Variants in FKBP2 observed in about 807,000 individuals in gnomAD.
The protein encoded by FKBP2 is FKBP prolyl isomerase 2.
A neutral mutation model predicts 19.4 loss-of-function variants in FKBP2; 15 were observed. That is an observed-to-expected ratio of 0.77 (90% CI 0.52 to 1.19). The LOEUF is 1.19. Among genes scored for constraint, FKBP2 ranks in the 50% most tolerant of loss-of-function variants. The pLI is 0.00. For missense variants in FKBP2, 170 were observed against 179.0 expected, an observed-to-expected ratio of 0.95 and a Z score of 0.29; for synonymous variants, 76 against 74.8, an observed-to-expected ratio of 1.02 and a Z score of -0.08.
chr11:64,243,629 G>A (rs1285044690), intron 4 of FKBP2, 132 bp downstream of exon 4: 7 of 1,254,706 alleles, frequency 5.6e-6, no homozygotes, highest in African/African-American at 1.5e-5. Context: ...AAGTTTGGCT[G>A]TGTCTAGCAG....
At chr11:64,242,955 C>A (rs545235474) in intron 2 of FKBP2, among the ~76,000 whole-genome samples, 1 of 152,290 alleles carries the variant, frequency 6.6e-6, no homozygotes, top group East Asian at 1.9e-4. Context: ...GCCTATAATC[C>A]CAGCTACTTG....
Position 64,242,408 on chromosome 11 carries a change from G to C in FKBP2, c.21G>C (p.Arg7=), listed in dbSNP as rs776659898. Residue 7 remains arginine, a synonymous_variant, in exon 2 of 6, where the codon CGG becomes CGC. Transcript: ENST00000309366. MRLSWF[R]VLTVLSICLS... ...GAGACATGAGGCTGAGCTGGTTCCG[G>C]GTCCTGACAGTACTGTCCATCTGCC... 1 of 1,548,180 alleles carries C rather than the reference G, an allele frequency of 6.5e-7. No individual in the cohort carries two copies. The highest frequency in any genetic ancestry group is 1.2e-5 in the South Asian group (1 of 83,748).
At chr11:64,242,712 C>CAGTA (rs1487347983) in intron 2 of FKBP2, among the ~76,000 whole-genome samples, 154 bp downstream of exon 2, 2 of 152,204 alleles carry the variant, frequency 1.3e-5, no homozygotes, top group African/African-American at 4.8e-5. Context: ...TTGCCCTTGC[C>CAGTA]TACTGCCCAG....
rs1354067859 is a variant in FKBP2 at position 64,241,120 on chromosome 11, G to C, written c.-17G>C. The C allele has an allele frequency of 6.6e-6, 1 of 152,574 alleles. No homozygotes were observed. Among genetic ancestry groups the C allele is most frequent in the African/African-American group, 2.4e-5 (1 of 41,474 alleles). 9.5% of individuals were successfully genotyped at this position (152,574 alleles called of 1,614,324 possible). ...AGCACCACCGGGGTTGACTCCGGGG[G>C]CGCGGCGAGGAGGTGAGCGGGGGCC... On this transcript the variant is annotated 5_prime_UTR_variant, in exon 1 of 6. Coordinates refer to ENST00000309366, the MANE Select transcript of FKBP2 (RefSeq NM_004470.4).
Position 64,243,297 on chromosome 11 carries a change from C to A in FKBP2, c.270C>A (p.Asp90Glu). 1 of 1,605,442 alleles carries A rather than the reference C, an allele frequency of 6.2e-7. No individual in the cohort carries two copies. The highest frequency in any genetic ancestry group is 8.5e-7 in the Non-Finnish European group (1 of 1,174,990). ...LGTGQVIKGW[D>E]QGLLGMCEGE... is the part of the protein sequence containing the mutation. ...CAGGCCAGGTCATCAAGGGCTGGGA[C>A]CAGGGGCTGCTGGGGTGAGTCATGG... The change falls in exon 3 of 6, where the codon GAC becomes GAA. Residue 90 changes from aspartate (D) to glutamate (E), a missense_variant. Asp to Glu is a conservative substitution (Grantham distance 45). Coordinates refer to ENST00000309366, the MANE Select transcript of FKBP2 (RefSeq NM_004470.4).
intron 4 of FKBP2, 165 bp from the exon 5 acceptor site, chr11:64,243,676 A>G: frequency 8.6e-7 from 1 of 1,159,106 alleles, no homozygotes; most frequent in Non-Finnish European, 1.3e-6. Context: ...ACTCAGCTGT[A>G]GTGGCCCCAC....
At position 64,243,701 on chromosome 11, in the gene FKBP2, G is replaced by A; in HGVS notation, c.332-140G>A. The A allele has an allele frequency of 3.1e-6, 4 of 1,295,468 alleles. No individual in the cohort carries two copies. In the South Asian group the frequency reaches 5.0e-5, roughly 16 times the overall value. The allele number at this position is 1,295,468 out of a possible 1,614,324, so 80.2% of individuals were successfully genotyped here. A position where few individuals can be genotyped will look rare whatever the true frequency, so the allele number is the denominator to read the frequency against. On this transcript the variant is annotated intron_variant, in intron 4 of 5. Coordinates refer to ENST00000309366, the MANE Select transcript of FKBP2 (RefSeq NM_004470.4). ...AGTGGCCCCACTCTGCCCTTGCCAG[G>A]CCTTTGGCACCCCCTTCCCATCTCC...
At chr11:64,243,144 AG>A (rs376137296) in intron 2 of FKBP2, 54 bp from the exon 3 acceptor site, 125 of 1,488,248 alleles carry the variant, frequency 8.4e-5, no homozygotes, top group East Asian at 7.9e-4. Context: ...CAGCTGAGGG[AG>A]GGGGTGTCAG....
intron 1 of FKBP2, 179 bp from the exon 2 acceptor site, chr11:64,242,205 A>T: frequency 1.8e-6 from 1 of 542,796 alleles, no homozygotes; most frequent in Non-Finnish European, 3.0e-6. Context: ...CCCCCTTCTC[A>T]CTGGACTGGT....
At chr11:64,242,295 C>T (rs2030560080) in intron 1 of FKBP2, 89 bp from the exon 2 acceptor site, 3 of 1,253,066 alleles carry the variant, frequency 2.4e-6, no homozygotes, top group Non-Finnish European at 3.2e-6. Context: ...GATACAGTGG[C>T]GGTGGAACCC....
At chr11:64,243,643 G>C in intron 4 of FKBP2, 146 bp downstream of exon 4, 1 of 1,213,164 alleles carries the variant, frequency 8.2e-7, no homozygotes, top group Non-Finnish European at 1.2e-6. Context: ...CTAGCAGTGA[G>C]TACAGGGCAA....
chr11:64,243,034 T>C (rs1389438833), intron 2 of FKBP2, among the ~76,000 whole-genome samples, 165 bp from the exon 3 acceptor site: 1 of 151,948 alleles, frequency 6.6e-6, no homozygotes, highest in Non-Finnish European at 1.5e-5. Flanking sequence ...ATCACGCCGC[T>C]GCACTCCAGC....
intron 2 of FKBP2, among the ~76,000 whole-genome samples, 179 bp from the exon 3 acceptor site, chr11:64,243,020 C>T (rs2030634968): frequency 6.6e-6 from 1 of 152,084 alleles, no homozygotes; most frequent in Admixed American, 6.5e-5. Context: ...TGCAGGGAGG[C>T]GAGATCACGC....
chr11:64,243,109 TG>T (rs1235519217), intron 2 of FKBP2, 89 bp from the exon 3 acceptor site: 22 of 1,100,826 alleles, frequency 2.0e-5, no homozygotes, highest in South Asian at 9.0e-5. Flanking sequence ...TGGGTGGGCG[TG>T]GGGGGGCAGC....
intron 1 of FKBP2, 102 bp downstream of exon 1, chr11:64,241,234 G>A (rs1331798752): frequency 6.6e-6 from 1 of 152,432 alleles, no homozygotes; most frequent in African/African-American, 2.4e-5. Context: ...GTCAACGAGA[G>A]CTAGGTGACG....
In FKBP2 at chr11:64,242,228, G is replaced by T. The variant is rs1591086345; in HGVS notation, c.-4-156G>T. On this transcript the variant is annotated intron_variant, in intron 1 of 5. Transcript: ENST00000309366. ...TCACTGGACTGGTAAGTGTGGCCCC[G>T]GAGCCCGGGGGAGAGGGCGGTGACC... 4.4e-6 allele frequency: 3 copies of T among 683,342 alleles called. No homozygotes were observed. In the East Asian group the frequency reaches 1.0e-4, roughly 23 times the overall value. The allele number at this position is 683,342 out of a possible 1,614,324, so 42.3% of individuals were successfully genotyped here.
chr11:64,243,065 C>T, intron 2 of FKBP2, 134 bp from the exon 3 acceptor site: 1 of 745,108 alleles, frequency 1.3e-6, no homozygotes, highest in Non-Finnish European at 2.3e-6. Flanking sequence ...GAGACTCCAT[C>T]TCAAAAAACA....
At position 64,243,146 on chromosome 11, in the gene FKBP2, G is replaced by C. The variant is rs569617888; in HGVS notation, c.172-53G>C. On this transcript the variant is annotated intron_variant, in intron 2 of 5. Coordinates refer to ENST00000309366, the MANE Select transcript of FKBP2 (RefSeq NM_004470.4). ...TTGATGGGGAAAGCAGCTGAGGGAG[G>C]GGGTGTCAGGGGTGGTCCCCTCTTC... 4.7e-6 allele frequency: 7 copies of C among 1,504,908 alleles called. No homozygotes were observed. The South Asian group carries it at 6.8e-5, about 15-fold the overall frequency. The allele number at this position is 1,504,908 out of a possible 1,614,324, so 93.2% of individuals were successfully genotyped here. A position where few individuals can be genotyped will look rare whatever the true frequency, so the allele number is the denominator to read the frequency against.
rs2030655592 is a variant in FKBP2, at chr11:64,243,204, G to C, written c.177G>C (p.Lys59Asn). 6.2e-7 allele frequency: 1 copy of C among 1,613,578 alleles called. No homozygotes were observed. The highest frequency in any genetic ancestry group is 1.1e-5 in the South Asian group (1 of 91,062). ...GDVLHMHYTG[K>N]LEDGTEFDSS... The stretch of plus-strand genomic sequence containing the variant: ...GCCTTCTCATGGTTCCACAGGGGAA[G>C]CTGGAAGATGGGACAGAGTTTGACA... Residue 59 changes from lysine (K) to asparagine (N), a missense_variant, in exon 3 of 6, where the codon AAG becomes AAC. Transcript: ENST00000309366.
Sources: gnomAD v4.1 joint callset for allele counts (sites outside exome capture counted in the v4.1 genomes callset) on GRCh38, gnomAD v4.1.1 for gene constraint, MANE v1.5 for transcripts, NCBI Gene and HGNC (gene_info 2026-07-23, HGNC 2026-07-21) for gene names.